NUP153: variants seen among roughly 807,000 people sequenced by gnomAD.
NUP153 encodes the protein nucleoporin 153.
Under a neutral mutation model 134.6 loss-of-function variants are expected in NUP153, and 27 were observed. That is an observed-to-expected ratio of 0.20 (90% CI 0.15 to 0.28). The LOEUF is 0.28. Ranked by LOEUF, NUP153 falls within the 10% of genes least tolerant of loss-of-function variation. NUP153 has a pLI of 1.00. For missense variants in NUP153, 1,821 were observed against 1,731.3 expected (o/e 1.05, Z -0.92); for synonymous variants, 640 against 623.5 (o/e 1.03, Z -0.40).
intron 1 of NUP153, among the ~76,000 whole-genome samples, chr6:17,695,185 CTG>C (rs961779856): frequency 6.6e-5 from 10 of 152,174 alleles, no homozygotes; most frequent in African/African-American, 2.4e-4. Context: ...GTGTGACAAT[CTG>C]TGTAATCTTT....
In NUP153 at chr6:17,669,543, G is replaced by T. The variant is rs767128427; in HGVS notation, c.856C>A (p.Pro286Thr). The T allele has an allele frequency of 1.2e-6, 2 of 1,602,554 alleles. No homozygotes were observed. Among genetic ancestry groups the T allele is most frequent in the East Asian group, 2.2e-5 (1 of 44,828 alleles). The change falls in exon 6 of 22, where the codon CCA (proline) becomes ACA (threonine). Residue 286 changes from proline (P) to threonine (T), a missense_variant. Coordinates refer to ENST00000262077, the MANE Select transcript of NUP153 (RefSeq NM_005124.4). ...TTAGCTTTCATTTGTCTTCTAACTG[G>T]TGCCTGTAAAGTAAACCCTATATTA... ...SKLRNTPYQA[P>T]VRRQMKAKQL...
chr6:17,648,395 T>C (rs1766328544), intron 12 of NUP153, among the ~76,000 whole-genome samples: 1 of 152,112 alleles, frequency 6.6e-6, no homozygotes, highest in Admixed American at 6.6e-5. Context: ...GGCAGGCGGA[T>C]CACCTGAAGT....
At position 17,644,811 on chromosome 6, in the gene NUP153, C is replaced by T. The variant is rs138778067; in HGVS notation, c.1720+1256G>A. On this transcript the variant is annotated intron_variant, in intron 14 of 21. Transcript: ENST00000262077. Reference sequence around the variant, plus strand: ...TACAAAAAATTAGCCAGGGGCAGGGCGCGGTGGTTCACGCCTGTAATCCCA... The same window carrying T: ...TACAAAAAATTAGCCAGGGGCAGGGTGCGGTGGTTCACGCCTGTAATCCCA... Among the ~76,000 whole-genome samples, 55 of 152,136 alleles carry T rather than the reference C, an allele frequency of 3.6e-4. No homozygotes were observed. In the East Asian group the frequency reaches 7.2e-3, roughly 20 times the overall value.
At chr6:17,635,371 A>C (rs1765498030) in intron 16 of NUP153, among the ~76,000 whole-genome samples, 1 of 151,858 alleles carries the variant, frequency 6.6e-6, no homozygotes, top group South Asian at 2.1e-4. Flanking sequence ...GGCCTCCCAA[A>C]GTGCTGGGAT....
chr6:17,619,182 G>A (rs1266438995), intron 20 of NUP153, among the ~76,000 whole-genome samples: 1 of 152,196 alleles, frequency 6.6e-6, no homozygotes, highest in Non-Finnish European at 1.5e-5. Flanking sequence ...AGCCAGAAAA[G>A]TCTACAATGG....
intron 5 of NUP153, among the ~76,000 whole-genome samples, chr6:17,673,281 T>C (rs1048143280): frequency 3.9e-5 from 6 of 152,008 alleles, no homozygotes; most frequent in East Asian, 3.9e-4. Context: ...ACGCAGAGAA[T>C]TGCTTGAACC....
At chr6:17,655,150 GGATT>G (rs1323027385) in intron 11 of NUP153, among the ~76,000 whole-genome samples, 2 of 152,168 alleles carry the variant, frequency 1.3e-5, no homozygotes, top group African/African-American at 4.8e-5. Flanking sequence ...AAAAACTCAT[GGATT>G]GATTGGTAGG....
At chr6:17,645,218 G>C (rs1766086941) in intron 14 of NUP153, among the ~76,000 whole-genome samples, 1 of 150,930 alleles carries the variant, frequency 6.6e-6, no homozygotes, top group Non-Finnish European at 1.5e-5. Flanking sequence ...ACTCCAGCCT[G>C]GGCAACAGAG....
intron 2 of NUP153, among the ~76,000 whole-genome samples, chr6:17,679,403 G>T (rs1768438668): frequency 6.6e-6 from 1 of 152,206 alleles, no homozygotes; most frequent in South Asian, 2.1e-4. Context: ...CCACGTACAT[G>T]GACTACAAGA....
chr6:17,624,795 A>G lies in NUP153; in HGVS notation c.3940T>C (p.Ser1314Pro), dbSNP rs1292099632. Residue 1314 changes from serine to proline, a missense_variant, in exon 20 of 22, where the codon TCT (serine) becomes CCT (proline). By Grantham distance (74) the Ser-to-Pro change is moderately conservative (BLOSUM62 -1). Coordinates refer to ENST00000262077, the MANE Select transcript of NUP153 (RefSeq NM_005124.4). Reference protein sequence around the residue: ...FVFGTGPSAPSASPAFGANQT... With the variant: ...FVFGTGPSAPPASPAFGANQT... ...TTAGCACCAAATGCTGGACTGGCAGATGGTGCTGAGGGTCCAGTTCCAAAT... is the reference window on the plus strand; with the variant it reads ...TTAGCACCAAATGCTGGACTGGCAGGTGGTGCTGAGGGTCCAGTTCCAAAT... 3.1e-6 allele frequency: 5 copies of G among 1,613,842 alleles called. No individual in the cohort carries two copies. In the South Asian group the frequency reaches 5.5e-5, roughly 18 times the overall value.
At chr6:17,651,042 T>C (rs1766469658) in intron 11 of NUP153, among the ~76,000 whole-genome samples, 1 of 152,070 alleles carries the variant, frequency 6.6e-6, no homozygotes, top group East Asian at 1.9e-4. Context: ...TTAAAATGAC[T>C]TGTAATCCTA....
chr6:17,700,299 G>A (rs1445501686), intron 1 of NUP153, among the ~76,000 whole-genome samples: 1 of 152,154 alleles, frequency 6.6e-6, no homozygotes, highest in Non-Finnish European at 1.5e-5. Context: ...GCCAGGTCCT[G>A]TTCTAAAATC....
rs1337407380 is a variant in NUP153, at chr6:17,638,255, G to A, written c.1847-485C>T. Among the ~76,000 whole-genome samples the A allele has an allele frequency of 6.6e-6, 1 of 152,114 alleles. No individual in the cohort carries two copies. The highest frequency in any genetic ancestry group is 1.5e-5 in the Non-Finnish European group (1 of 68,010). On this transcript the variant is annotated intron_variant, in intron 15 of 21. Coordinates refer to ENST00000262077, the MANE Select transcript of NUP153 (RefSeq NM_005124.4). This position sits in a 1 kb window ranked among gnomAD's most constrained non-coding sequence, Gnocchi z 4.0. ...CTCTACCTTCAGTAAAATCAGCTGA[G>A]CAAGTCCTTCTGTTACCAAAACTGC...
At chr6:17,705,334 A>G (rs2150257492) in intron 1 of NUP153, among the ~76,000 whole-genome samples, 1 of 152,290 alleles carries the variant, frequency 6.6e-6, no homozygotes, top group East Asian at 1.9e-4. Flanking sequence ...TTAAAAATGG[A>G]ATTTTCTCAG....
chr6:17,667,595 T>C (rs1767615733), intron 8 of NUP153, among the ~76,000 whole-genome samples: 1 of 152,232 alleles, frequency 6.6e-6, no homozygotes, highest in Admixed American at 6.5e-5. Context: ...GCGCCTGTAG[T>C]CCCAGCTACC....
chr6:17,668,877 C>A, intron 8 of NUP153, 98 bp downstream of exon 8: 2 of 789,118 alleles, frequency 2.5e-6, no homozygotes, highest in South Asian at 3.1e-5. Flanking sequence ...CAAACATGTT[C>A]CCTAATGTCT....
chr6:17,675,264 C>A lies in NUP153; in HGVS notation c.688G>T (p.Ala230Ser), dbSNP rs1363170138. 2.5e-6 allele frequency: 4 copies of A among 1,613,926 alleles called. No individual in the cohort carries two copies. The highest frequency in any genetic ancestry group is 2.2e-5 in the East Asian group (1 of 44,878). Reference sequence around the variant, plus strand: ...GTTCCAAAGGCAGACAAGTTGAATGCTGGTTTTTTTGAGCTGGTGGCAGTG... The same window carrying A: ...GTTCCAAAGGCAGACAAGTTGAATGATGGTTTTTTTGAGCTGGTGGCAGTG... Reference protein sequence around the residue: ...QHTATSSKKPAFNLSAFGTLS... With the variant: ...QHTATSSKKPSFNLSAFGTLS... The change falls in exon 4 of 22, where the codon GCA becomes TCA. Residue 230 changes from alanine (A) to serine (S), a missense_variant. Ala to Ser is a moderately conservative substitution (Grantham distance 99). Coordinates refer to ENST00000262077, the MANE Select transcript of NUP153 (RefSeq NM_005124.4). This position sits in a 1 kb window ranked among gnomAD's most constrained non-coding sequence, Gnocchi z 4.4.
At chr6:17,689,600 G>T (rs928853264) in intron 1 of NUP153, among the ~76,000 whole-genome samples, 2 of 150,392 alleles carry the variant, frequency 1.3e-5, no homozygotes, top group African/African-American at 4.9e-5. Flanking sequence ...GCAACGGTGC[G>T]ATCTCGGCTC....
chr6:17,629,791 A>G (rs575605851), intron 17 of NUP153, among the ~76,000 whole-genome samples: 13 of 152,366 alleles, frequency 8.5e-5, no homozygotes, highest in Admixed American at 7.2e-4. Context: ...AAAGTTTGAT[A>G]AAGTTTGTAC....
Sources: gnomAD v4.1 joint callset for allele counts (sites outside exome capture counted in the v4.1 genomes callset) on GRCh38, gnomAD v4.1.1 for gene constraint, Gnocchi (gnomAD v3.1) non-coding constraint, MANE v1.5 for transcripts, NCBI Gene and HGNC (gene_info 2026-07-23, HGNC 2026-07-21) for gene names.